KCNT2: variants seen among roughly 807,000 people sequenced by gnomAD.
KCNT2 encodes potassium sodium-activated channel subfamily T member 2.
In KCNT2, 67 loss-of-function variants were observed where a neutral mutation model predicts 153.8. The ratio of observed to expected loss-of-function variants is 0.44; its 90% CI spans 0.36 to 0.53. The LOEUF (loss-of-function observed/expected upper bound fraction) is 0.53, where lower values mean the gene tolerates loss of function less well. KCNT2 is among the 20% of genes least tolerant of loss of function. KCNT2 has a pLI of 0.00. For synonymous variants in KCNT2, 500 were observed against 458.8 expected (o/e 1.09, Z -1.15); for missense variants, 975 against 1,354.8 (o/e 0.72, Z 4.40).
In KCNT2 at chr1:196,341,615, GA is replaced by G. The variant is rs956762488; in HGVS notation, c.1553+463del. 6.7e-5 allele frequency among the ~76,000 whole-genome samples: 10 copies of G among 148,974 alleles called. No homozygotes were observed. The Middle Eastern group carries it at 0.014, about 203-fold the overall frequency. On this transcript the variant is annotated intron_variant, in intron 15 of 27. Coordinates refer to ENST00000294725, the MANE Select transcript of KCNT2 (RefSeq NM_198503.5). ...TCCTTTTTTTTTCCAAAAAGGAAAA[GA>G]AAAAAAAAGTTCTATGTTTGAATTG...
intron 1 of KCNT2, among the ~76,000 whole-genome samples, chr1:196,501,510 A>G (rs914424407): frequency 9.2e-5 from 14 of 152,206 alleles, no homozygotes; most frequent in African/African-American, 2.7e-4. Context: ...CATATATTGC[A>G]TATCCTCACT....
At chr1:196,510,713 G>A (rs1339629680) in intron 1 of KCNT2, among the ~76,000 whole-genome samples, 4 of 152,194 alleles carry the variant, frequency 2.6e-5, no homozygotes, top group Non-Finnish European at 5.9e-5. Context: ...TCCTTCATCA[G>A]TAACAGCTGG....
intron 14 of KCNT2, among the ~76,000 whole-genome samples, chr1:196,351,763 G>A (rs1246602951): frequency 1.3e-5 from 2 of 152,122 alleles, no homozygotes; most frequent in Non-Finnish European, 2.9e-5. Flanking sequence ...TGGTGAGACA[G>A]GGCATCCCTG....
At chr1:196,251,613 G>A (rs1411307757) in intron 26 of KCNT2, among the ~76,000 whole-genome samples, 1 of 152,024 alleles carries the variant, frequency 6.6e-6, no homozygotes, top group African/African-American at 2.4e-5. Context: ...GGGAATGGTA[G>A]TGGGGATGGG....
At chr1:196,504,034 G>C (rs185955315) in intron 1 of KCNT2, among the ~76,000 whole-genome samples, 1 of 152,126 alleles carries the variant, frequency 6.6e-6, no homozygotes, top group Non-Finnish European at 1.5e-5. Flanking sequence ...AGGGAAAATG[G>C]TCACTAATAT....
intron 1 of KCNT2, among the ~76,000 whole-genome samples, chr1:196,516,323 G>A (rs776492570): frequency 1.3e-5 from 2 of 151,948 alleles, no homozygotes; most frequent in Non-Finnish European, 2.9e-5. Context: ...TAGGGACTGC[G>A]GTGGTCCCCC....
intron 1 of KCNT2, among the ~76,000 whole-genome samples, chr1:196,586,053 A>G (rs192758247): frequency 2.2e-4 from 34 of 152,184 alleles, no homozygotes; most frequent in African/African-American, 7.5e-4. Context: ...TGAACTCAGG[A>G]GTTTGAGACC....
chr1:196,373,667 C>G (rs980878762), intron 13 of KCNT2, among the ~76,000 whole-genome samples: 2 of 151,710 alleles, frequency 1.3e-5, no homozygotes, highest in Admixed American at 6.6e-5. Context: ...TAGAAGAGTA[C>G]TGATATATCA....
chr1:196,236,038 A>C lies in KCNT2; in HGVS notation c.3244T>G (p.Tyr1082Asp). ...EMNDHQSTLS[Y>D]ILINPSPDTR... The stretch of plus-strand genomic sequence containing the variant: ...TCTGGAGATGGGTTAATCAGGATGT[A>C]GGAGAGGGTACTTTGATGATCATTC... The change falls in exon 27 of 28, where the codon TAC becomes GAC. Residue 1082 changes from tyrosine to aspartate, a missense_variant. By Grantham distance (160) the Tyr-to-Asp change is radical (BLOSUM62 -3). Transcript: ENST00000294725. 1.2e-6 allele frequency: 2 copies of C among 1,602,620 alleles called. No homozygotes were observed. Among genetic ancestry groups the C allele is most frequent in the Non-Finnish European group, 1.7e-6 (2 of 1,170,586 alleles).
chr1:196,419,936 G>C (rs1449697459), intron 12 of KCNT2, among the ~76,000 whole-genome samples: 2 of 151,722 alleles, frequency 1.3e-5, no homozygotes, highest in African/African-American at 4.8e-5. Context: ...TTTTTGTGTG[G>C]AAAATTTGGG....
chr1:196,547,649 C>A (rs1472750981), intron 1 of KCNT2, among the ~76,000 whole-genome samples: 4 of 151,966 alleles, frequency 2.6e-5, no homozygotes, highest in African/African-American at 7.2e-5. Context: ...ACTGTCCATT[C>A]ATCTGTCCAT....
chr1:196,464,655 A>C (rs1341134152), intron 8 of KCNT2, among the ~76,000 whole-genome samples: 2 of 151,700 alleles, frequency 1.3e-5, no homozygotes, highest in African/African-American at 2.4e-5. Flanking sequence ...TGATGTTCAC[A>C]TTTTTTCTCT....
rs191341299 is a variant in KCNT2, at chr1:196,459,318, C to T, written c.638+5975G>A. Among the ~76,000 whole-genome samples, 901 of 151,244 alleles carry T rather than the reference C, an allele frequency of 6.0e-3. 3 individuals are homozygous for T. Among genetic ancestry groups the T allele is most frequent in the Admixed American group, 1.0e-2 (150 of 15,072 alleles). ...GCCCTAATGTACAAACATGGATTTT[C>T]TTTATTTCAAAATAATGGAAAATTA... is the stretch of plus-strand genomic sequence containing the variant. On this transcript the variant is annotated intron_variant, in intron 8 of 27. Transcript: ENST00000294725.
chr1:196,579,287 C>T (rs1343918070), intron 1 of KCNT2, among the ~76,000 whole-genome samples: 1 of 151,908 alleles, frequency 6.6e-6, no homozygotes, highest in Non-Finnish European at 1.5e-5. Context: ...AACAGATGGA[C>T]ACAAAGAAGG....
intron 3 of KCNT2, among the ~76,000 whole-genome samples, chr1:196,487,137 C>T (rs1419916553): frequency 2.6e-5 from 4 of 151,780 alleles, no homozygotes; most frequent in South Asian, 2.1e-4. Context: ...GGCATAGAGT[C>T]GAGTGCAAAA....
At chr1:196,366,213 G>A (rs1445331982) in intron 14 of KCNT2, among the ~76,000 whole-genome samples, 1 of 150,972 alleles carries the variant, frequency 6.6e-6, no homozygotes, top group African/African-American at 2.4e-5. Context: ...AGGCTGGAGT[G>A]CAATGGCGCG....
At chr1:196,289,349 G>GT (rs1372440457) in intron 22 of KCNT2, among the ~76,000 whole-genome samples, 6 of 151,918 alleles carry the variant, frequency 3.9e-5, no homozygotes, top group Non-Finnish European at 1.5e-5. Context: ...CCTTGTTTAT[G>GT]TTTTTAATTT....
chr1:196,480,855 CAAAA>C (rs372270510), intron 4 of KCNT2, among the ~76,000 whole-genome samples: 2,618 of 25,312 alleles, frequency 0.1, 4 homozygotes, highest in Non-Finnish European at 0.16. Flanking sequence ...GACTTCGTCT[CAAAA>C]AAAAAAAAAA....
In KCNT2 at chr1:196,326,728, T is replaced by C; in HGVS notation, c.2265A>G (p.Leu755=). 6.6e-7 allele frequency: 1 copy of C among 1,525,604 alleles called. No homozygotes were observed. The highest frequency in any genetic ancestry group is 8.7e-7 in the Non-Finnish European group (1 of 1,143,064). 94.5% of individuals were successfully genotyped at this position (1,525,604 alleles called of 1,614,324 possible). A position where few individuals can be genotyped will look rare whatever the true frequency, so the allele number is the denominator to read the frequency against. ...PKKELNPIVL[L]LDNPPDMHFL... The stretch of plus-strand genomic sequence containing the variant: ...TAAAATATACTTACGGGTTATCCAA[T>C]AGCAGTACTATGGGATTAAGTTCTT... The change falls in exon 19 of 28, where the codon CTA becomes CTG. Residue 755 remains leucine (L), a synonymous_variant. Transcript: ENST00000294725.
Sources: gnomAD v4.1 joint callset for allele counts (sites outside exome capture counted in the v4.1 genomes callset) on GRCh38, gnomAD v4.1.1 for gene constraint, MANE v1.5 for transcripts, NCBI Gene and HGNC (gene_info 2026-07-23, HGNC 2026-07-21) for gene names.